Variants in NOL11 observed in about 807,000 individuals in gnomAD.
NOL11 encodes the protein nucleolar protein 11.
In NOL11, 42 loss-of-function variants were observed where a neutral mutation model predicts 93.0. The observed-to-expected ratio is 0.45, with a 90% CI of 0.35 to 0.58. NOL11 has a LOEUF of 0.58. NOL11 is among the 20% of genes least tolerant of loss of function. The probability of loss-of-function intolerance (pLI) is 0.00; values close to 1 mark genes in which losing one functional copy is unlikely to be tolerated. For missense variants in NOL11, 775 were observed against 841.8 expected, an observed-to-expected ratio of 0.92 and a Z score of 0.98; for synonymous variants, 296 against 293.7, an observed-to-expected ratio of 1.01 and a Z score of -0.08.
chr17:67,735,854 A>G, intron 8 of NOL11, 46 bp from the exon 9 acceptor site: 1 of 1,550,776 alleles, frequency 6.4e-7, no homozygotes, highest in Non-Finnish European at 8.8e-7. Flanking sequence ...GTCATACCTT[A>G]GAAGAGAAAA....
At chr17:67,730,139 G>A (rs11654765) in intron 7 of NOL11, among the ~76,000 whole-genome samples, 23,780 of 151,950 alleles carry the variant, frequency 0.16, 2,398 homozygotes, top group South Asian at 0.24. Flanking sequence ...ATAACAGTTT[G>A]TTATCTGTTC....
intron 12 of NOL11, 24 bp from the exon 13 acceptor site, chr17:67,737,823 G>A (rs371175068): frequency 2.6e-5 from 42 of 1,602,838 alleles, no homozygotes; most frequent in Non-Finnish European, 3.4e-5. Context: ...ATATGTAATA[G>A]TGATTCAGAT....
chr17:67,724,885 C>G (rs908565554), intron 6 of NOL11, among the ~76,000 whole-genome samples: 1 of 151,924 alleles, frequency 6.6e-6, no homozygotes, highest in Non-Finnish European at 1.5e-5. Context: ...GGTGAAACCC[C>G]GTCTCTACTA....
intron 7 of NOL11, among the ~76,000 whole-genome samples, chr17:67,729,695 C>T (rs532470914): frequency 6.6e-6 from 1 of 152,066 alleles, no homozygotes; most frequent in Non-Finnish European, 1.5e-5. Flanking sequence ...TCCCCTGACT[C>T]AGCCTCCCGA....
Position 67,739,567 on chromosome 17 carries a change from A to G in NOL11, c.1894A>G (p.Thr632Ala), listed in dbSNP as rs756048119. ...GTACCTGAAGTGTAGCGAAAATGCT[A>G]CTATGACTCTTCCTGGAATACACCC... ...FLYLKCSENA[T>A]MTLPGIHPPT... is the part of the protein sequence containing the mutation. Residue 632 changes from threonine (T) to alanine (A), a missense_variant, in exon 16 of 18, where the codon ACT becomes GCT. Physicochemically the swap from Thr to Ala is moderately conservative, Grantham distance 58 (BLOSUM62 0). Transcript: ENST00000253247. 2 of 1,602,050 alleles carry G rather than the reference A, an allele frequency of 1.2e-6. No individual in the cohort carries two copies. Among genetic ancestry groups the G allele is most frequent in the South Asian group, 1.1e-5 (1 of 88,432 alleles).
chr17:67,722,665 A>G (rs1411423066), intron 5 of NOL11, 28 bp downstream of exon 5: 7 of 1,507,512 alleles, frequency 4.6e-6, no homozygotes, highest in Admixed American at 2.7e-5. Flanking sequence ...TTCCTGGCCC[A>G]TTTTGTGAAA....
intron 4 of NOL11, 113 bp from the exon 5 acceptor site, chr17:67,722,467 C>T (rs1324278186): frequency 6.9e-7 from 1 of 1,441,606 alleles, no homozygotes; most frequent in African/African-American, 1.5e-5. Flanking sequence ...TCTCTGATGT[C>T]TTTCTGGTTC....
At chr17:67,723,435 T>C (rs6504522) in intron 5 of NOL11, among the ~76,000 whole-genome samples, 101,452 of 112,162 alleles carry the variant, frequency 0.9, 46,199 homozygotes, top group East Asian at 0.96. Flanking sequence ...GTCACCCAGG[T>C]TGGAGTACAG....
chr17:67,737,675 G>T lies in NOL11; in HGVS notation c.1386G>T (p.Thr462=), dbSNP rs184371826. ...PRNCLMQLIQ[T]HVLSYSLCPD... is the part of the protein sequence containing the mutation. ...ACTGTCTGATGCAGCTTATCCAAAC[G>T]CATGTGCTTTCTTACAGGTAGCTGT... The change falls in exon 12 of 18, where the codon ACG becomes ACT. Residue 462 remains threonine, a synonymous_variant. Coordinates refer to ENST00000253247, the MANE Select transcript of NOL11 (RefSeq NM_015462.5). 1.2e-5 allele frequency: 20 copies of T among 1,612,820 alleles called. No homozygotes were observed. Among genetic ancestry groups the T allele is most frequent in the Middle Eastern group, 1.6e-4 (1 of 6,078 alleles).
At position 67,730,812 on chromosome 17, in the gene NOL11, C is replaced by T. The variant is rs79030122; in HGVS notation, c.854-3551C>T. 0.017 allele frequency among the ~76,000 whole-genome samples: 2,575 copies of T among 152,262 alleles called. 204 individuals carry two copies. In the East Asian group the frequency reaches 0.26, roughly 15 times the overall value. Reference sequence around the variant, plus strand: ...GCAAACATTTTAGTTATACTCTTTTCGTTGTTGATTGTGTTTAACTTTTTG... The same window carrying T: ...GCAAACATTTTAGTTATACTCTTTTTGTTGTTGATTGTGTTTAACTTTTTG... On this transcript the variant is annotated intron_variant, in intron 7 of 17. Coordinates refer to ENST00000253247, the MANE Select transcript of NOL11 (RefSeq NM_015462.5).
intron 16 of NOL11, 29 bp downstream of exon 16, chr17:67,739,637 T>G: frequency 7.2e-7 from 1 of 1,392,478 alleles, no homozygotes; most frequent in Non-Finnish European, 1.0e-6. Context: ...TTTGATTTGG[T>G]GCTGGGAAAA....
At chr17:67,739,087 G>A in intron 15 of NOL11, 77 bp downstream of exon 15, 4 of 1,033,854 alleles carry the variant, frequency 3.9e-6, no homozygotes, top group Non-Finnish European at 5.9e-6. Context: ...AGCTGTTAGG[G>A]CATTCTAAAG....
chr17:67,736,772 A>G lies in NOL11; in HGVS notation c.1143+18A>G. ...GAAGAATTGTAAGTTTCGTAGTTGA[A>G]ATTGAAACATTAGTGCAAATGTTGA... On this transcript the variant is annotated intron_variant, in intron 10 of 17. Coordinates refer to ENST00000253247, the MANE Select transcript of NOL11 (RefSeq NM_015462.5). 6.5e-7 allele frequency: 1 copy of G among 1,534,236 alleles called. No individual in the cohort carries two copies. Among genetic ancestry groups the G allele is most frequent in the South Asian group, 1.1e-5 (1 of 88,138 alleles).
intron 7 of NOL11, among the ~76,000 whole-genome samples, chr17:67,731,633 C>T (rs1365012332): frequency 6.6e-6 from 1 of 152,322 alleles, no homozygotes; most frequent in East Asian, 1.9e-4. Context: ...AGACTTATCC[C>T]CACGTTTTCT....
At chr17:67,730,185 TG>T (rs1254497577) in intron 7 of NOL11, among the ~76,000 whole-genome samples, 1 of 152,272 alleles carries the variant, frequency 6.6e-6, no homozygotes, top group African/African-American at 2.4e-5. Context: ...TTCCACCTTT[TG>T]GTTATTGTGA....
intron 7 of NOL11, among the ~76,000 whole-genome samples, chr17:67,728,944 A>C (rs1203077781): frequency 6.6e-6 from 1 of 152,102 alleles, no homozygotes; most frequent in Admixed American, 6.6e-5. Flanking sequence ...TTATTTTTTA[A>C]ATTTTGTAAT....
At chr17:67,738,441 T>C in intron 14 of NOL11, 86 bp downstream of exon 14, 2 of 828,170 alleles carry the variant, frequency 2.4e-6, no homozygotes, top group Non-Finnish European at 3.8e-6. Context: ...AACTCAATAA[T>C]TTAAGGTTTT....
intron 7 of NOL11, among the ~76,000 whole-genome samples, chr17:67,730,375 C>T (rs1054001602): frequency 6.6e-6 from 1 of 152,198 alleles, no homozygotes; most frequent in African/African-American, 2.4e-5. Context: ...ATTCTTCTGT[C>T]TCAGCTTTCC....
At chr17:67,722,474 G>A (rs2043224528) in intron 4 of NOL11, 106 bp from the exon 5 acceptor site, 3 of 1,454,586 alleles carry the variant, frequency 2.1e-6, no homozygotes, top group Non-Finnish European at 2.7e-6. Flanking sequence ...TGTCTTTCTG[G>A]TTCTAAAAAA....
Sources: allele counts gnomAD v4.1 joint callset (sites outside exome capture counted in the v4.1 genomes callset), GRCh38; gene constraint gnomAD v4.1.1; transcripts MANE v1.5; gene names NCBI Gene and HGNC (gene_info 2026-07-23, HGNC 2026-07-21).